The following MYO9A variants were observed in gnomAD, a reference collection of about 807,000 sequenced individuals.
The protein encoded by MYO9A is unconventional myosin-IXa.
Under a neutral mutation model 293.3 loss-of-function variants are expected in MYO9A, and 103 were observed. The observed-to-expected ratio is 0.35, with a 90% CI of 0.30 to 0.41. MYO9A has a LOEUF of 0.41. Ranked by LOEUF, MYO9A falls within the 10% of genes least tolerant of loss-of-function variation. The probability of loss-of-function intolerance (pLI) is 1.00; values close to 1 mark genes in which losing one functional copy is unlikely to be tolerated. For synonymous variants in MYO9A, 1,001 were observed against 1,035.7 expected (o/e 0.97, Z 0.64); for missense variants, 2,685 against 3,033.0 (o/e 0.89, Z 2.69).
chr15:71,973,394 A>G (rs988951647), intron 12 of MYO9A, among the ~76,000 whole-genome samples: 8 of 152,172 alleles, frequency 5.3e-5, no homozygotes, highest in Admixed American at 1.3e-4. Context: ...AAAATGGATT[A>G]TGAGAGTAAC....
intron 1 of MYO9A, among the ~76,000 whole-genome samples, chr15:72,111,852 C>G (rs983494777): frequency 2.0e-5 from 3 of 151,980 alleles, no homozygotes; most frequent in Non-Finnish European, 4.4e-5. Context: ...CCTATGTTGC[C>G]CAGGCTGGTC....
At chr15:71,973,478 TCAC>T (rs2076063659) in intron 12 of MYO9A, among the ~76,000 whole-genome samples, 1 of 152,116 alleles carries the variant, frequency 6.6e-6, no homozygotes, top group South Asian at 2.1e-4. Flanking sequence ...GACACAGGGC[TCAC>T]TACTAAGCAA....
intron 14 of MYO9A, among the ~76,000 whole-genome samples, chr15:71,953,066 T>C (rs1304982227): frequency 6.6e-6 from 1 of 152,208 alleles, no homozygotes. Flanking sequence ...GAATTTGAAA[T>C]ATTTTTCATA....
chr15:72,059,632 T>C (rs1403105793), intron 1 of MYO9A, among the ~76,000 whole-genome samples: 1 of 152,248 alleles, frequency 6.6e-6, no homozygotes, highest in Admixed American at 6.5e-5. Flanking sequence ...GGATTGGCTT[T>C]TTTTAGTGAG....
intron 1 of MYO9A, among the ~76,000 whole-genome samples, chr15:72,112,546 C>T (rs1480672244): frequency 3.3e-5 from 5 of 152,170 alleles, no homozygotes; most frequent in Non-Finnish European, 7.3e-5. Context: ...AAACACCTAC[C>T]TAAATATAAC....
intron 1 of MYO9A, among the ~76,000 whole-genome samples, chr15:72,092,376 A>G (rs1281237671): frequency 6.6e-6 from 1 of 152,228 alleles, no homozygotes; most frequent in Non-Finnish European, 1.5e-5. Context: ...CAAGTTATTA[A>G]CAGGAAACAG....
At chr15:71,904,084 A>G (rs1567251987) in intron 20 of MYO9A, 45 bp from the exon 21 acceptor site, 1 of 1,413,940 alleles carries the variant, frequency 7.1e-7, no homozygotes, top group Admixed American at 1.8e-5. Flanking sequence ...GTAGATCTCC[A>G]AATTAATTAT....
intron 11 of MYO9A, among the ~76,000 whole-genome samples, chr15:71,981,104 G>C (rs1277943638): frequency 6.6e-6 from 1 of 151,918 alleles, no homozygotes; most frequent in African/African-American, 2.4e-5. Flanking sequence ...GCTTGATTCA[G>C]TTAAATGTAA....
intron 1 of MYO9A, among the ~76,000 whole-genome samples, chr15:72,115,127 T>A (rs1324324017): frequency 6.6e-6 from 1 of 152,242 alleles, no homozygotes; most frequent in Non-Finnish European, 1.5e-5. Context: ...TCACTGTTAA[T>A]GCTTAAACTA....
At chr15:71,827,802 A>G in intron 41 of MYO9A, 82 bp downstream of exon 41, 3 of 1,442,390 alleles carry the variant, frequency 2.1e-6, no homozygotes, top group Admixed American at 2.2e-5. Flanking sequence ...TAAATTCTTA[A>G]AAGACTTTGT....
intron 1 of MYO9A, among the ~76,000 whole-genome samples, chr15:72,059,133 G>T (rs1466722490): frequency 6.6e-6 from 1 of 152,120 alleles, no homozygotes; most frequent in African/African-American, 2.4e-5. Flanking sequence ...CAAGGTATTT[G>T]CAACAGAAAG....
Position 71,826,854 on chromosome 15 carries a change from G to A in MYO9A, c.7373C>T (p.Pro2458Leu). ...ATTACCTGAGGCAGCTCGGTAGAAT[G>A]GAGATTTGGAATAAATCTGAAATAG... is the stretch of plus-strand genomic sequence containing the variant. The part of the protein sequence containing the change: ...RKLFQIYSKS[P>L]FYRAASGNEA... Residue 2458 changes from proline to leucine, a missense_variant, in exon 42 of 42, where the codon CCA becomes CTA. Pro to Leu is a moderately conservative substitution (Grantham distance 98). This residue lies in a region of MYO9A where 350 missense variants were observed against 328.9 expected (regional missense o/e 1.06). Transcript: ENST00000356056. 1 of 1,614,122 alleles carries A rather than the reference G, an allele frequency of 6.2e-7. No individual in the cohort carries two copies. The highest frequency in any genetic ancestry group is 8.5e-7 in the Non-Finnish European group (1 of 1,179,998).
chr15:71,969,961 G>A (rs765817692), intron 12 of MYO9A, among the ~76,000 whole-genome samples: 1 of 152,108 alleles, frequency 6.6e-6, no homozygotes, highest in Non-Finnish European at 1.5e-5. Flanking sequence ...CCCAACTATT[G>A]CAATTCTGAC....
chr15:71,965,999 C>T (rs1260173401), intron 13 of MYO9A, among the ~76,000 whole-genome samples: 3 of 152,066 alleles, frequency 2.0e-5, no homozygotes, highest in African/African-American at 7.2e-5. Flanking sequence ...ATCTCACCCT[C>T]CTCAGTAGCT....
intron 2 of MYO9A, among the ~76,000 whole-genome samples, chr15:72,038,965 TAAGA>T (rs1443553607): frequency 6.6e-6 from 1 of 152,016 alleles, no homozygotes; most frequent in Non-Finnish European, 1.5e-5. Flanking sequence ...TATTTACCTA[TAAGA>T]TAGATATAAG....
intron 6 of MYO9A, among the ~76,000 whole-genome samples, chr15:72,012,823 G>A (rs967025411): frequency 3.3e-5 from 5 of 152,162 alleles, no homozygotes; most frequent in African/African-American, 7.2e-5. Flanking sequence ...TTCCCCGAAA[G>A]TGAATGGAAC....
At chr15:71,994,183 TA>T (rs540777167) in intron 10 of MYO9A, among the ~76,000 whole-genome samples, 22 of 151,826 alleles carry the variant, frequency 1.4e-4, no homozygotes, top group African/African-American at 5.3e-4. Flanking sequence ...AGATTCTAGG[TA>T]AAAAAAATAC....
intron 1 of MYO9A, among the ~76,000 whole-genome samples, chr15:72,075,554 C>A (rs770311210): frequency 1.2e-4 from 18 of 151,848 alleles, no homozygotes; most frequent in South Asian, 4.2e-4. Flanking sequence ...TTGAAAAGTT[C>A]ACTAAATAGA....
chr15:71,935,177 G>A (rs2058603046), intron 17 of MYO9A, 164 bp downstream of exon 17: 3 of 689,662 alleles, frequency 4.3e-6, no homozygotes, highest in Non-Finnish European at 6.9e-6. Flanking sequence ...GAGATTCATG[G>A]CTGTAAACGC....
Sources: gnomAD v4.1 joint callset for allele counts (sites outside exome capture counted in the v4.1 genomes callset) on GRCh38, gnomAD v4.1.1 for gene constraint, gnomAD v4.1.1 regional missense constraint, MANE v1.5 for transcripts, NCBI Gene and HGNC (gene_info 2026-07-23, HGNC 2026-07-21) for gene names.